PPP2R3A: variants seen among roughly 807,000 people sequenced by gnomAD.
PPP2R3A encodes serine/threonine-protein phosphatase 2A regulatory subunit B'' subunit alpha.
PPP2R3A carries 80 observed loss-of-function variants against 106.9 expected under a neutral mutation model. The observed-to-expected ratio is 0.75, with a 90% CI of 0.62 to 0.90. PPP2R3A has a LOEUF of 0.90. Ranked by LOEUF, PPP2R3A falls within the 40% of genes least tolerant of loss-of-function variation. The probability of loss-of-function intolerance (pLI) is 0.00; values close to 1 mark genes in which losing one functional copy is unlikely to be tolerated. For synonymous variants in PPP2R3A, 483 were observed against 468.3 expected (o/e 1.03, Z -0.41); for missense variants, 1,386 against 1,350.4 (o/e 1.03, Z -0.41).
rs547964870 is a variant in PPP2R3A, at chr3:136,079,319, T to C, written c.2631+866T>C. The C allele has an allele frequency of 1.6e-4, 49 of 299,590 alleles. 1 individual carries two copies. Among genetic ancestry groups the C allele is most frequent in the South Asian group, 1.5e-3 (48 of 32,922 alleles). 18.6% of individuals were successfully genotyped at this position (299,590 alleles called of 1,614,324 possible). On this transcript the variant is annotated intron_variant, in intron 7 of 13. Transcript: ENST00000264977. Reference sequence around the variant, plus strand: ...ATGGGTTAAAATGGCAGTAATTCCATAATACCTCAAGAGTAATGATGATAA... The same window carrying C: ...ATGGGTTAAAATGGCAGTAATTCCACAATACCTCAAGAGTAATGATGATAA...
intron 1 of PPP2R3A, among the ~76,000 whole-genome samples, chr3:135,994,721 C>G (rs1439240610): frequency 6.6e-6 from 1 of 152,062 alleles, no homozygotes; most frequent in Non-Finnish European, 1.5e-5. Flanking sequence ...ACTGTGAAAC[C>G]CATACTGCAC....
rs374953625 is a variant in PPP2R3A at position 135,990,712 on chromosome 3, C to T, written c.-440-10347C>T. 1.3e-3 allele frequency among the ~76,000 whole-genome samples: 202 copies of T among 152,260 alleles called. 3 individuals carry two copies. The South Asian group carries it at 0.029, about 22-fold the overall frequency. Reference sequence around the variant, plus strand: ...CAGTTTTGTGATCATGATTAGTCAACTTAAGCCCCTGAGCTGCCTTCATTT... The same window carrying T: ...CAGTTTTGTGATCATGATTAGTCAATTTAAGCCCCTGAGCTGCCTTCATTT... On this transcript the variant is annotated intron_variant, in intron 1 of 13. Coordinates refer to ENST00000264977, the MANE Select transcript of PPP2R3A (RefSeq NM_002718.5).
At chr3:136,022,293 C>CTCCT (rs1934492743) in intron 2 of PPP2R3A, among the ~76,000 whole-genome samples, 1 of 151,962 alleles carries the variant, frequency 6.6e-6, no homozygotes, top group African/African-American at 2.4e-5. Context: ...AACAAATTTT[C>CTCCT]AAATATGTTC....
At chr3:135,994,783 C>A (rs894336625) in intron 1 of PPP2R3A, among the ~76,000 whole-genome samples, 2 of 152,154 alleles carry the variant, frequency 1.3e-5, no homozygotes, top group African/African-American at 4.8e-5. Flanking sequence ...AACACACCAG[C>A]CTTTTTCTGT....
intron 1 of PPP2R3A, among the ~76,000 whole-genome samples, chr3:135,981,920 A>G (rs1224681517): frequency 1.3e-5 from 2 of 151,712 alleles, no homozygotes; most frequent in East Asian, 1.9e-4. Context: ...TTCAAAATGC[A>G]TTTAAACAGG....
chr3:136,006,135 T>C (rs1933836670), intron 2 of PPP2R3A, among the ~76,000 whole-genome samples: 1 of 152,202 alleles, frequency 6.6e-6, no homozygotes, highest in African/African-American at 2.4e-5. Flanking sequence ...TCCCACTTTT[T>C]TGACAAGTAA....
chr3:136,074,101 A>G (rs1936524720), intron 6 of PPP2R3A, among the ~76,000 whole-genome samples: 1 of 151,932 alleles, frequency 6.6e-6, no homozygotes, highest in Non-Finnish European at 1.5e-5. Context: ...TAGAAGAACA[A>G]TTAATATGTT....
chr3:136,091,689 G>A (rs1937097686), intron 10 of PPP2R3A, among the ~76,000 whole-genome samples: 1 of 152,102 alleles, frequency 6.6e-6, no homozygotes, highest in Non-Finnish European at 1.5e-5. Context: ...TGGAGAGCTT[G>A]TTAGATTATT....
rs1227983949 is a variant in PPP2R3A, at chr3:136,070,523, C to T, written c.2515C>T (p.Pro839Ser). ...TGGTCTCACGTTCCTGAAAGATGCT[C>T]CAGAATTCCACTCCCGCTACATCAC... The part of the protein sequence containing the change: ...HPGLTFLKDA[P>S]EFHSRYITTV... The change falls in exon 6 of 14, where the codon CCA becomes TCA. Residue 839 changes from proline (P) to serine (S), a missense_variant. Pro to Ser is a moderately conservative substitution (Grantham distance 74). Coordinates refer to ENST00000264977, the MANE Select transcript of PPP2R3A (RefSeq NM_002718.5). The T allele has an allele frequency of 6.2e-7, 1 of 1,611,156 alleles. No individual in the cohort carries two copies. Among genetic ancestry groups the T allele is most frequent in the Admixed American group, 1.7e-5 (1 of 59,224 alleles).
In PPP2R3A at chr3:136,142,657, C is replaced by T. The variant is rs75594273; in HGVS notation, c.3330-2386C>T. ...CACTTAACCCCTAACTCCATAAGGT[C>T]TCCATTAGGCTTCAAGTGCTGTGAG... On this transcript the variant is annotated intron_variant, in intron 13 of 13. Coordinates refer to ENST00000264977, the MANE Select transcript of PPP2R3A (RefSeq NM_002718.5). 6.3e-4 allele frequency among the ~76,000 whole-genome samples: 96 copies of T among 152,284 alleles called. 3 individuals are homozygous for T. In the East Asian group the frequency reaches 0.018, roughly 28 times the overall value.
intron 1 of PPP2R3A, among the ~76,000 whole-genome samples, chr3:135,979,361 A>G (rs1305989969): frequency 2.0e-5 from 3 of 150,752 alleles, no homozygotes; most frequent in South Asian, 4.2e-4. Flanking sequence ...TGACAGAAGG[A>G]GACTCCATCT....
intron 13 of PPP2R3A, among the ~76,000 whole-genome samples, chr3:136,142,564 G>A (rs1938920398): frequency 6.6e-6 from 1 of 152,148 alleles, no homozygotes; most frequent in Non-Finnish European, 1.5e-5. Flanking sequence ...ATCACATTAA[G>A]TGATCAAACC....
intron 5 of PPP2R3A, among the ~76,000 whole-genome samples, chr3:136,053,771 ACACCCACCCTAAATG>A (rs780857869): frequency 6.6e-6 from 1 of 152,160 alleles, no homozygotes; most frequent in African/African-American, 2.4e-5. Context: ...GTCAATCAAC[ACACCCACCCTAAATG>A]CACAGAACCC....
At chr3:136,070,644 G>T in intron 6 of PPP2R3A, 92 bp downstream of exon 6, 1 of 948,602 alleles carries the variant, frequency 1.1e-6, no homozygotes. Context: ...CTATGCAAAA[G>T]GTAACATGGG....
intron 5 of PPP2R3A, among the ~76,000 whole-genome samples, chr3:136,058,025 T>C (rs1239816984): frequency 2.0e-5 from 3 of 152,150 alleles, no homozygotes; most frequent in African/African-American, 7.2e-5. Flanking sequence ...TTATTCACAA[T>C]AGCCAAAATA....
At chr3:136,127,787 G>A (rs569181034) in intron 13 of PPP2R3A, among the ~76,000 whole-genome samples, 84 of 152,182 alleles carry the variant, frequency 5.5e-4, no homozygotes, top group Admixed American at 1.0e-3. Flanking sequence ...CCCACAAAGG[G>A]AAGCCCATCA....
intron 2 of PPP2R3A, among the ~76,000 whole-genome samples, chr3:136,024,214 C>T (rs1934569188): frequency 6.6e-6 from 1 of 152,102 alleles, no homozygotes; most frequent in African/African-American, 2.4e-5. Flanking sequence ...CCAAAGTGAG[C>T]AGATGCTAAA....
chr3:135,973,144 T>A (rs184184556), intron 1 of PPP2R3A, among the ~76,000 whole-genome samples: 1 of 152,356 alleles, frequency 6.6e-6, no homozygotes, highest in East Asian at 1.9e-4. Flanking sequence ...TTCATTCTTT[T>A]GCATGTGAAT....
chr3:136,058,668 TA>T (rs774201197), intron 5 of PPP2R3A, among the ~76,000 whole-genome samples: 3 of 152,084 alleles, frequency 2.0e-5, no homozygotes, highest in Non-Finnish European at 2.9e-5. Context: ...TTAAAATTAA[TA>T]TGGAACGAAA....
Sources: allele counts gnomAD v4.1 joint callset (sites outside exome capture counted in the v4.1 genomes callset), GRCh38; gene constraint gnomAD v4.1.1; transcripts MANE v1.5; gene names NCBI Gene and HGNC (gene_info 2026-07-23, HGNC 2026-07-21).